The following PTPRD variants were observed in gnomAD, a reference collection of about 807,000 sequenced individuals.
PTPRD encodes receptor-type tyrosine-protein phosphatase delta.
Under a neutral mutation model 214.5 loss-of-function variants are expected in PTPRD, and 34 were observed. The observed-to-expected ratio is 0.16, with a 90% CI of 0.12 to 0.21. The LOEUF (loss-of-function observed/expected upper bound fraction) is 0.21, where lower values mean the gene tolerates loss of function less well. Ranked by LOEUF, PTPRD falls within the 10% of genes least tolerant of loss-of-function variation. The pLI is 1.00. For missense variants in PTPRD, 2,545 were observed against 2,398.7 expected (o/e 1.06, Z -1.27); for synonymous variants, 1,128 against 845.7 (o/e 1.33, Z -5.79).
At chr9:9,860,027 C>A (rs963786174) in intron 5 of PTPRD, among the ~76,000 whole-genome samples, 1 of 152,312 alleles carries the variant, frequency 6.6e-6, no homozygotes, top group Admixed American at 6.5e-5. Context: ...ATATTTGATT[C>A]TCCTGCATTA....
intron 4 of PTPRD, among the ~76,000 whole-genome samples, chr9:9,949,895 C>G (rs769228663): frequency 1.3e-5 from 2 of 152,136 alleles, no homozygotes; most frequent in Non-Finnish European, 2.9e-5. Flanking sequence ...CATGGCTCTT[C>G]TGAAGCCAGT....
At chr9:9,558,852 G>A (rs2082171479) in intron 8 of PTPRD, among the ~76,000 whole-genome samples, 1 of 152,292 alleles carries the variant, frequency 6.6e-6, no homozygotes, top group African/African-American at 2.4e-5. Flanking sequence ...TAACAGTGAA[G>A]GTTCAGGATC....
chr9:10,046,578 A>G (rs1254833513), intron 3 of PTPRD, among the ~76,000 whole-genome samples: 1 of 151,900 alleles, frequency 6.6e-6, no homozygotes, highest in Non-Finnish European at 1.5e-5. Context: ...CGGATGCTTC[A>G]ATGTTTCTCA....
rs188299729 is a variant in PTPRD at position 10,064,652 on chromosome 9, T to C, written c.-544-30862A>G. ...CCCTCTTACAAAAGGGGAGATGTAT[T>C]TGAGAGACATTAAGCAATTAACCCA... On this transcript the variant is annotated intron_variant, in intron 3 of 45. Transcript: ENST00000381196. 1.4e-4 allele frequency among the ~76,000 whole-genome samples: 22 copies of C among 151,968 alleles called. No individual in the cohort carries two copies. In the East Asian group the frequency reaches 3.7e-3, roughly 26 times the overall value.
intron 9 of PTPRD, among the ~76,000 whole-genome samples, chr9:9,245,422 C>A (rs142954370): frequency 5.9e-5 from 9 of 152,116 alleles, no homozygotes; most frequent in Non-Finnish European, 1.2e-4. Flanking sequence ...ATATACACCA[C>A]GGAGTACTAT....
chr9:10,268,870 T>C (rs577880773), intron 3 of PTPRD, among the ~76,000 whole-genome samples: 5 of 152,348 alleles, frequency 3.3e-5, no homozygotes, highest in African/African-American at 1.2e-4. Context: ...TTCGCCCATC[T>C]AGGGCAGGGA....
chr9:10,244,370 G>T (rs1390780269), intron 3 of PTPRD, among the ~76,000 whole-genome samples: 1 of 152,060 alleles, frequency 6.6e-6, no homozygotes, highest in African/African-American at 2.4e-5. Flanking sequence ...CACTGTACAT[G>T]GTAGATGGTT....
chr9:9,526,549 T>C (rs537520438), intron 8 of PTPRD, among the ~76,000 whole-genome samples: 120 of 152,324 alleles, frequency 7.9e-4, no homozygotes, highest in African/African-American at 2.9e-3. Context: ...CTATAGTCCA[T>C]CTAATCTTGA....
At chr9:9,788,703 A>T (rs1413780887) in intron 5 of PTPRD, among the ~76,000 whole-genome samples, 1 of 152,198 alleles carries the variant, frequency 6.6e-6, no homozygotes, top group African/African-American at 2.4e-5. Context: ...TAAAAAGAAA[A>T]GCCCAAATAG....
At chr9:8,318,390 A>C (rs1823637657) in intron 45 of PTPRD, among the ~76,000 whole-genome samples, 1 of 152,142 alleles carries the variant, frequency 6.6e-6, no homozygotes, top group Non-Finnish European at 1.5e-5. Context: ...TGTCCTGAGA[A>C]AAATCTGAAT....
chr9:8,687,332 TTA>T (rs1452147705), intron 12 of PTPRD, among the ~76,000 whole-genome samples: 1 of 152,190 alleles, frequency 6.6e-6, no homozygotes, highest in African/African-American at 2.4e-5. Context: ...TGCCAGAAAT[TTA>T]TGAGGAATGA....
intron 34 of PTPRD, among the ~76,000 whole-genome samples, chr9:8,447,010 C>A (rs2095757185): frequency 6.6e-6 from 1 of 152,172 alleles, no homozygotes; most frequent in African/African-American, 2.4e-5. Flanking sequence ...GAGTCTATTT[C>A]CTTTGTAAAA....
intron 11 of PTPRD, among the ~76,000 whole-genome samples, chr9:8,942,368 C>T (rs1264051593): frequency 1.3e-5 from 2 of 152,138 alleles, no homozygotes; most frequent in African/African-American, 2.4e-5. Context: ...TCCCGTTTTA[C>T]GTGATGAGGT....
chr9:10,611,103 C>T (rs1432867296), intron 2 of PTPRD, among the ~76,000 whole-genome samples: 1 of 152,080 alleles, frequency 6.6e-6, no homozygotes, highest in Non-Finnish European at 1.5e-5. Context: ...ACTTTTCAAT[C>T]TGGTTTTTAA....
chr9:10,609,556 A>G (rs1179693176), intron 2 of PTPRD, among the ~76,000 whole-genome samples: 1 of 152,124 alleles, frequency 6.6e-6, no homozygotes, highest in East Asian at 1.9e-4. Context: ...AACTAGCAAT[A>G]TTTTAGCTTT....
chr9:9,552,862 C>T (rs1591436676), intron 8 of PTPRD, among the ~76,000 whole-genome samples: 3 of 152,010 alleles, frequency 2.0e-5, no homozygotes, highest in Admixed American at 2.0e-4. Flanking sequence ...GGCAGGTGTG[C>T]TTTCGTGTTG....
At chr9:9,606,140 G>A (rs552717192) in intron 7 of PTPRD, among the ~76,000 whole-genome samples, 6 of 152,108 alleles carry the variant, frequency 3.9e-5, no homozygotes, top group Admixed American at 2.6e-4. Flanking sequence ...CTATTTGCTT[G>A]TAGATAACCA....
chr9:8,507,321 C>A lies in PTPRD; in HGVS notation c.1657G>T (p.Asp553Tyr). The change falls in exon 22 of 46, where the codon GAT (aspartate) becomes TAT (tyrosine). Residue 553 changes from aspartate (D) to tyrosine (Y), a missense_variant. Asp to Tyr is a radical substitution (Grantham distance 160). Transcript: ENST00000381196. ...CTTACCTCCTCTCCATGCTCCCCAT[C>A]TTTGTAGACCAGTTCATAGTTGGCA... The part of the protein sequence containing the change: ...TIANYELVYK[D>Y]GEHGEEQRIT... 6.2e-7 allele frequency: 1 copy of A among 1,613,918 alleles called. No individual in the cohort carries two copies. The highest frequency in any genetic ancestry group is 2.2e-5 in the East Asian group (1 of 44,872).
At chr9:9,648,874 A>G (rs779367508) in intron 7 of PTPRD, among the ~76,000 whole-genome samples, 4 of 152,202 alleles carry the variant, frequency 2.6e-5, no homozygotes, top group Admixed American at 6.5e-5. Flanking sequence ...GAAATCCCTC[A>G]GGGAAGTATT....
Sources: allele counts gnomAD v4.1 joint callset (sites outside exome capture counted in the v4.1 genomes callset), GRCh38; gene constraint gnomAD v4.1.1; transcripts MANE v1.5; gene names NCBI Gene and HGNC (gene_info 2026-07-23, HGNC 2026-07-21).